The following KCNQ5 variants were observed in gnomAD, a reference collection of about 807,000 sequenced individuals.
The protein encoded by KCNQ5 is potassium voltage-gated channel subfamily KQT member 5.
In KCNQ5, 30 loss-of-function variants were observed where a neutral mutation model predicts 98.2. The ratio of observed to expected loss-of-function variants is 0.31; its 90% CI spans 0.23 to 0.41. KCNQ5 has a LOEUF of 0.41. KCNQ5 is among the 10% of genes least tolerant of loss of function. The probability of loss-of-function intolerance (pLI) is 1.00; values close to 1 mark genes in which losing one functional copy is unlikely to be tolerated. For synonymous variants in KCNQ5, 458 were observed against 449.4 expected (o/e 1.02, Z -0.24); for missense variants, 835 against 1,182.5 (o/e 0.71, Z 4.31).
At chr6:72,832,770 AC>A (rs386702633) in intron 1 of KCNQ5, among the ~76,000 whole-genome samples, 10 of 152,318 alleles carry the variant, frequency 6.6e-5, no homozygotes, top group African/African-American at 2.4e-4. Flanking sequence ...TTTTTATAAA[AC>A]CAAGCAAACA....
intron 1 of KCNQ5, among the ~76,000 whole-genome samples, chr6:72,902,351 C>G (rs774283586): frequency 6.6e-6 from 1 of 152,096 alleles, no homozygotes; most frequent in Non-Finnish European, 1.5e-5. Flanking sequence ...CTTGTCTGAT[C>G]GCTCTGGCTA....
intron 10 of KCNQ5, among the ~76,000 whole-genome samples, chr6:73,154,221 G>A (rs142228864): frequency 0.014 from 2,140 of 152,164 alleles, 48 homozygotes; most frequent in African/African-American, 0.049. Context: ...TGGGAACTCA[G>A]TGAGATGATT....
chr6:73,076,169 G>A (rs563669174), intron 3 of KCNQ5, among the ~76,000 whole-genome samples: 2 of 152,294 alleles, frequency 1.3e-5, no homozygotes, highest in East Asian at 3.9e-4. Context: ...GATCTTCTCA[G>A]TCCACACCAG....
chr6:73,133,368 C>A, intron 9 of KCNQ5, 53 bp from the exon 10 acceptor site: 1 of 1,527,212 alleles, frequency 6.5e-7, no homozygotes, highest in Non-Finnish European at 9.0e-7. Flanking sequence ...CTTACCCAAG[C>A]AAAGTGGAAG....
chr6:72,915,994 T>C (rs1220319598), intron 1 of KCNQ5, among the ~76,000 whole-genome samples: 1 of 152,206 alleles, frequency 6.6e-6, no homozygotes, highest in African/African-American at 2.4e-5. Context: ...AATTTGCTAA[T>C]TGAATTCTTC....
At chr6:73,057,029 G>A (rs1772539719) in intron 3 of KCNQ5, among the ~76,000 whole-genome samples, 1 of 152,102 alleles carries the variant, frequency 6.6e-6, no homozygotes, top group Non-Finnish European at 1.5e-5. Context: ...ACATGCACAT[G>A]TATGTTTATT....
At chr6:72,932,028 C>T (rs1765715674) in intron 1 of KCNQ5, among the ~76,000 whole-genome samples, 1 of 152,132 alleles carries the variant, frequency 6.6e-6, no homozygotes, top group African/African-American at 2.4e-5. Flanking sequence ...CACCTGACTG[C>T]ATAGAAATAA....
At chr6:72,720,095 T>C (rs1769869142) in intron 1 of KCNQ5, among the ~76,000 whole-genome samples, 1 of 152,210 alleles carries the variant, frequency 6.6e-6, no homozygotes, top group African/African-American at 2.4e-5. Flanking sequence ...TGCCACCATG[T>C]GGCCTCTGGC....
intron 1 of KCNQ5, among the ~76,000 whole-genome samples, chr6:72,965,911 T>A (rs1229067620): frequency 6.6e-6 from 1 of 152,150 alleles, no homozygotes; most frequent in East Asian, 1.9e-4. Context: ...TATGTGGAAG[T>A]GCTATTTGTG....
intron 1 of KCNQ5, among the ~76,000 whole-genome samples, chr6:72,886,387 A>T (rs554473972): frequency 3.7e-4 from 57 of 152,320 alleles, no homozygotes; most frequent in African/African-American, 1.1e-3. Flanking sequence ...GTAAAGTAAA[A>T]TATAGACATG....
intron 1 of KCNQ5, among the ~76,000 whole-genome samples, chr6:72,672,717 A>T (rs1341649213): frequency 6.6e-6 from 1 of 152,200 alleles, no homozygotes; most frequent in African/African-American, 2.4e-5. Flanking sequence ...CGTCATGCCC[A>T]AGAAAGGACT....
intron 1 of KCNQ5, among the ~76,000 whole-genome samples, chr6:72,862,492 T>C (rs1777807997): frequency 6.6e-6 from 1 of 152,182 alleles, no homozygotes; most frequent in African/African-American, 2.4e-5. Flanking sequence ...AGTAAGTTGC[T>C]TTCAAAAGAT....
At chr6:72,655,095 T>TCTTC (rs1766114071) in intron 1 of KCNQ5, among the ~76,000 whole-genome samples, 3 of 145,676 alleles carry the variant, frequency 2.1e-5, no homozygotes, top group African/African-American at 7.4e-5. Context: ...TTTCTTTCTT[T>TCTTC]CTGTTTTTCT....
At chr6:73,042,093 A>T (rs756936044) in intron 3 of KCNQ5, 31 bp downstream of exon 3, 4 of 1,612,008 alleles carry the variant, frequency 2.5e-6, no homozygotes, top group Non-Finnish European at 3.4e-6. Flanking sequence ...TACCTGGACT[A>T]TGACACCAAC....
At chr6:72,677,543 G>T (rs1056675257) in intron 1 of KCNQ5, among the ~76,000 whole-genome samples, 1 of 152,156 alleles carries the variant, frequency 6.6e-6, no homozygotes, top group Non-Finnish European at 1.5e-5. Context: ...ACTCATGCTT[G>T]CCTTGCCTTT....
intron 1 of KCNQ5, among the ~76,000 whole-genome samples, chr6:72,740,291 C>T (rs1161444422): frequency 6.6e-6 from 1 of 152,142 alleles, no homozygotes; most frequent in African/African-American, 2.4e-5. Context: ...GATCTACTAG[C>T]AAAGCAAACT....
intron 2 of KCNQ5, among the ~76,000 whole-genome samples, chr6:73,009,032 C>G (rs751490491): frequency 3.3e-5 from 5 of 152,224 alleles, no homozygotes; most frequent in Admixed American, 1.3e-4. Flanking sequence ...CTTTGTCACC[C>G]AGGCTGGAGT....
At chr6:72,856,882 G>T (rs1451181890) in intron 1 of KCNQ5, among the ~76,000 whole-genome samples, 3 of 152,190 alleles carry the variant, frequency 2.0e-5, no homozygotes, top group Admixed American at 1.3e-4. Flanking sequence ...AAGAACCCCA[G>T]ACCCTGCCCC....
At chr6:72,707,216 G>T (rs1412133803) in intron 1 of KCNQ5, among the ~76,000 whole-genome samples, 1 of 152,164 alleles carries the variant, frequency 6.6e-6, no homozygotes, top group Admixed American at 6.5e-5. Flanking sequence ...TTCAAATCTG[G>T]ATTTTACGAA....
Sources: allele counts gnomAD v4.1 joint callset (sites outside exome capture counted in the v4.1 genomes callset), GRCh38; gene constraint gnomAD v4.1.1; transcripts MANE v1.5; gene names NCBI Gene and HGNC (gene_info 2026-07-23, HGNC 2026-07-21).